RUNX2: variants seen among roughly 807,000 people sequenced by gnomAD.
The protein encoded by RUNX2 is runt-related transcription factor 2.
Under a neutral mutation model 51.7 loss-of-function variants are expected in RUNX2, and 10 were observed. That is an observed-to-expected ratio of 0.19 (90% CI 0.12 to 0.33). The LOEUF is 0.33. Among genes scored for constraint, RUNX2 ranks in the 10% least tolerant of loss-of-function variants. RUNX2 has a pLI of 1.00. For missense variants in RUNX2, 562 were observed against 691.3 expected, an observed-to-expected ratio of 0.81 and a Z score of 2.10; for synonymous variants, 276 against 273.6, an observed-to-expected ratio of 1.01 and a Z score of -0.09.
At chr6:45,465,219 T>G (rs1209900504) in intron 5 of RUNX2, among the ~76,000 whole-genome samples, 1 of 152,160 alleles carries the variant, frequency 6.6e-6, no homozygotes, top group African/African-American at 2.4e-5. Flanking sequence ...CCATAGATAC[T>G]CTGAAAACTC....
chr6:45,511,210 G>C (rs1464686044), intron 6 of RUNX2, among the ~76,000 whole-genome samples: 1 of 152,064 alleles, frequency 6.6e-6, no homozygotes, highest in Non-Finnish European at 1.5e-5. Context: ...ATAAGCAGAA[G>C]GTCTTTTAAT....
Position 45,328,385 on chromosome 6 carries a change from G to A in RUNX2, c.-142G>A, listed in dbSNP as rs759132634. On this transcript the variant is annotated 5_prime_UTR_variant, in exon 1 of 9. Transcript: ENST00000647337. ...AGTGCGGTGCAAACTTTCTCCAGGA[G>A]GACAGCAAGAAGTCTCTGGTTTTTA... 2.9e-6 allele frequency: 4 copies of A among 1,396,688 alleles called. No homozygotes were observed. In the South Asian group the frequency reaches 3.4e-5, roughly 12 times the overall value. 86.5% of individuals were successfully genotyped at this position (1,396,688 alleles called of 1,614,324 possible).
In RUNX2 at chr6:45,481,182, G is replaced by A. The variant is rs188498440; in HGVS notation, c.686-10759G>A. ...TAATGAAAGAGAAATAGAAAGGATCGCATGCTAAGGAAATTGAGCCAGGAT... is the reference window on the plus strand; with the variant it reads ...TAATGAAAGAGAAATAGAAAGGATCACATGCTAAGGAAATTGAGCCAGGAT... On this transcript the variant is annotated intron_variant, in intron 5 of 8. Transcript: ENST00000647337. Among the ~76,000 whole-genome samples, 22 of 152,256 alleles carry A rather than the reference G, an allele frequency of 1.4e-4. No individual in the cohort carries two copies. The East Asian group carries it at 2.1e-3, about 15-fold the overall frequency.
intron 3 of RUNX2, 97 bp from the exon 4 acceptor site, chr6:45,431,766 A>C (rs926912473): frequency 7.2e-7 from 1 of 1,395,082 alleles, no homozygotes; most frequent in East Asian, 2.3e-5. Context: ...TAGAACACTA[A>C]GTCCTGATAA....
In RUNX2 at chr6:45,521,963, GT is replaced by G. The variant is rs543626166; in HGVS notation, c.1021+9563del. Among the ~76,000 whole-genome samples the G allele has an allele frequency of 4.0e-3, 604 of 152,160 alleles. 4 individuals are homozygous for G. The highest frequency in any genetic ancestry group is 0.014 in the African/African-American group (580 of 41,514). On this transcript the variant is annotated intron_variant, in intron 7 of 8. Coordinates refer to ENST00000647337, the MANE Select transcript of RUNX2 (RefSeq NM_001024630.4). ...TCTCCAATTATTTACTTTTAGAGCT[GT>G]TTTTTTGTAGATCCAAATATGATAC...
At chr6:45,366,816 T>C (rs539525194) in intron 2 of RUNX2, among the ~76,000 whole-genome samples, 3 of 152,168 alleles carry the variant, frequency 2.0e-5, no homozygotes, top group African/African-American at 7.2e-5. Flanking sequence ...TAAATTCTAC[T>C]TTCTGTATGT....
At chr6:45,491,413 GAA>G (rs1298134173) in intron 5 of RUNX2, among the ~76,000 whole-genome samples, 2 of 152,036 alleles carry the variant, frequency 1.3e-5, no homozygotes, top group Non-Finnish European at 2.9e-5. Flanking sequence ...TAATTTTCCA[GAA>G]AAGAGTCTTA....
rs2150456303 is a variant in RUNX2 at position 45,549,359 on chromosome 6, G to GGGCA, written c.*2056_*2059dup. The GGGCA allele has an allele frequency of 2.5e-6, 1 of 398,524 alleles. No individual in the cohort carries two copies. Among genetic ancestry groups the GGGCA allele is most frequent in the African/African-American group, 2.1e-5 (1 of 48,706 alleles). The allele number at this position is 398,524 out of a possible 1,614,324, so 24.7% of individuals were successfully genotyped here. A position where few individuals can be genotyped will look rare whatever the true frequency, so the allele number is the denominator to read the frequency against. ...ACCCAGCATTGCAGGACAGCGTGTG[G>GGGCA]GGCAGCTGGACCTGTGCTTCCTGCC... On this transcript the variant is annotated 3_prime_UTR_variant, in exon 9 of 9. Coordinates refer to ENST00000647337, the MANE Select transcript of RUNX2 (RefSeq NM_001024630.4).
chr6:45,532,250 G>C (rs1161963709), intron 7 of RUNX2, among the ~76,000 whole-genome samples: 1 of 146,662 alleles, frequency 6.8e-6, no homozygotes, highest in East Asian at 2.0e-4. Context: ...TTAATGAATG[G>C]GGACCATTCT....
chr6:45,481,636 G>T (rs368005476), intron 5 of RUNX2, among the ~76,000 whole-genome samples: 1 of 152,132 alleles, frequency 6.6e-6, no homozygotes, highest in African/African-American at 2.4e-5. Flanking sequence ...GTGATAAAAC[G>T]GAGTCAGAGA....
chr6:45,547,406 T>A lies in RUNX2; in HGVS notation c.*101T>A. On this transcript the variant is annotated 3_prime_UTR_variant, in exon 9 of 9. Transcript: ENST00000647337. ...TGCATATATATGTATATCGATTAGC[T>A]ATCTACAAAGTGCCTATTTTTTAGA... The A allele has an allele frequency of 9.9e-7, 1 of 1,007,792 alleles. No homozygotes were observed. Among genetic ancestry groups the A allele is most frequent in the Non-Finnish European group, 1.6e-6 (1 of 643,344 alleles). The allele number at this position is 1,007,792 out of a possible 1,614,324, so 62.4% of individuals were successfully genotyped here. A position where few individuals can be genotyped will look rare whatever the true frequency, so the allele number is the denominator to read the frequency against.
At chr6:45,349,840 T>C (rs529087478) in intron 2 of RUNX2, among the ~76,000 whole-genome samples, 2 of 152,232 alleles carry the variant, frequency 1.3e-5, no homozygotes, top group Non-Finnish European at 2.9e-5. Context: ...GTTCATGTTG[T>C]CAATGTTCTC....
chr6:45,436,664 A>G (rs1798694500), intron 4 of RUNX2, among the ~76,000 whole-genome samples: 3 of 152,196 alleles, frequency 2.0e-5, no homozygotes, highest in South Asian at 4.1e-4. Context: ...AGGAACTTAC[A>G]TGGTCTAGGT....
At chr6:45,409,605 A>T (rs906790304) in intron 2 of RUNX2, among the ~76,000 whole-genome samples, 12 of 152,190 alleles carry the variant, frequency 7.9e-5, no homozygotes, top group Admixed American at 3.9e-4. Context: ...TCCCCAATTT[A>T]TATTCCCAAC....
chr6:45,469,793 A>C (rs1009378213), intron 5 of RUNX2, among the ~76,000 whole-genome samples: 3 of 152,206 alleles, frequency 2.0e-5, no homozygotes, highest in African/African-American at 7.2e-5. Flanking sequence ...GAAAGCTTTC[A>C]ACTTTTTTGA....
At position 45,521,451 on chromosome 6, in the gene RUNX2, C is replaced by T. The variant is rs187693372; in HGVS notation, c.1021+9044C>T. 3.8e-3 allele frequency among the ~76,000 whole-genome samples: 584 copies of T among 152,268 alleles called. 2 individuals are homozygous for T. The highest frequency in any genetic ancestry group is 5.8e-3 in the Non-Finnish European group (396 of 68,006). ...CTAACAGTTAGTAACAATGCCAAAACATATTTTAGGTCCAGCTTGAAACCA... is the reference window on the plus strand; with the variant it reads ...CTAACAGTTAGTAACAATGCCAAAATATATTTTAGGTCCAGCTTGAAACCA... On this transcript the variant is annotated intron_variant, in intron 7 of 8. Transcript: ENST00000647337.
At chr6:45,498,670 T>G (rs1412354106) in intron 6 of RUNX2, among the ~76,000 whole-genome samples, 1 of 152,192 alleles carries the variant, frequency 6.6e-6, no homozygotes, top group Non-Finnish European at 1.5e-5. Flanking sequence ...GTGACTGAAG[T>G]GGTTTCCACC....
intron 2 of RUNX2, among the ~76,000 whole-genome samples, chr6:45,411,165 T>C (rs1057060143): frequency 3.3e-5 from 5 of 152,222 alleles, no homozygotes; most frequent in Non-Finnish European, 7.4e-5. Context: ...GTAACTCATA[T>C]TAAAATTTTC....
chr6:45,418,368 G>T (rs1226876168), intron 2 of RUNX2, among the ~76,000 whole-genome samples: 2 of 151,694 alleles, frequency 1.3e-5, no homozygotes, highest in East Asian at 3.9e-4. Flanking sequence ...ACATGGTAGG[G>T]AGTGGTGGGT....
Sources: gnomAD v4.1 joint callset for allele counts (sites outside exome capture counted in the v4.1 genomes callset) on GRCh38, gnomAD v4.1.1 for gene constraint, MANE v1.5 for transcripts, NCBI Gene and HGNC (gene_info 2026-07-23, HGNC 2026-07-21) for gene names.